Variants in ITIH5 observed in about 807,000 individuals in gnomAD.
ITIH5 encodes the protein inter-alpha-trypsin inhibitor heavy chain 5.
Under a neutral mutation model 77.5 loss-of-function variants are expected in ITIH5, and 65 were observed. The observed-to-expected ratio is 0.84, with a 90% CI of 0.69 to 1.03. ITIH5 has a LOEUF of 1.03. Among genes scored for constraint, ITIH5 ranks in the 50% least tolerant of loss-of-function variants. The probability of loss-of-function intolerance (pLI) is 0.00; values close to 1 mark genes in which losing one functional copy is unlikely to be tolerated. For synonymous variants in ITIH5, 525 were observed against 494.3 expected, an observed-to-expected ratio of 1.06 and a Z score of -0.82; for missense variants, 1,208 against 1,213.1, an observed-to-expected ratio of 1.00 and a Z score of 0.06.
chr10:7,586,236 G>A (rs1832677422), intron 7 of ITIH5, among the ~76,000 whole-genome samples, 167 bp from the exon 8 acceptor site: 1 of 151,976 alleles, frequency 6.6e-6, no homozygotes, highest in African/African-American at 2.4e-5. Flanking sequence ...TACCCAGCTG[G>A]AAAAAATGGT....
At position 7,576,537 on chromosome 10, in the gene ITIH5, C is replaced by T. The variant is rs763438346; in HGVS notation, c.1894G>A (p.Gly632Ser). 8 of 1,613,166 alleles carry T rather than the reference C, an allele frequency of 5.0e-6. No individual in the cohort carries two copies. The highest frequency in any genetic ancestry group is 4.0e-5 in the African/African-American group (3 of 75,054). Residue 632 changes from glycine (G) to serine (S), a missense_variant, in exon 10 of 14, where the codon GGC (glycine) becomes AGC (serine). By Grantham distance (56) the Gly-to-Ser change is moderately conservative. Coordinates refer to ENST00000397146, the MANE Select transcript of ITIH5 (RefSeq NM_030569.7). The stretch of plus-strand genomic sequence containing the variant: ...GACATGCCGTGGGCCTCCTCCAGGC[C>T]ATCCATGCGTGGGACCGGCCCCCTC... ...KLRGPVPRMD[G>S]LEEAHGMSAA...
intron 7 of ITIH5, among the ~76,000 whole-genome samples, chr10:7,587,175 G>A (rs1832696541): frequency 6.6e-6 from 1 of 152,194 alleles, no homozygotes; most frequent in Non-Finnish European, 1.5e-5. Flanking sequence ...AGCAAAGCCA[G>A]GAAGTAATAC....
chr10:7,585,351 C>T (rs1320325712), intron 8 of ITIH5, among the ~76,000 whole-genome samples: 2 of 152,142 alleles, frequency 1.3e-5, no homozygotes, highest in Admixed American at 6.5e-5. Context: ...ACATTCTGCA[C>T]CCTTACCTGG....
At chr10:7,615,881 T>G (rs1588401510) in intron 7 of ITIH5, 101 bp downstream of exon 7, 1 of 746,066 alleles carries the variant, frequency 1.3e-6, no homozygotes. Flanking sequence ...CGCTGGATGG[T>G]AAAGCTGACG....
At chr10:7,637,182 G>C (rs1478095748) in intron 5 of ITIH5, 46 bp downstream of exon 5, 2 of 1,573,754 alleles carry the variant, frequency 1.3e-6, no homozygotes, top group Non-Finnish European at 1.7e-6. Context: ...GGACCAGCTG[G>C]GTGTTTTCAC....
In ITIH5 at chr10:7,562,912, C is replaced by CCA; in HGVS notation, c.*170_*171insTG. On this transcript the variant is annotated 3_prime_UTR_variant, in exon 14 of 14. Transcript: ENST00000397146. ...TGCACTCAGGCTTCCCGCCCCTACCCACCCCTACCCTTCGCCCAGACAGAC... is the reference window on the plus strand; with the variant it reads ...TGCACTCAGGCTTCCCGCCCCTACCCCAACCCCTACCCTTCGCCCAGACAGAC... The CCA allele has an allele frequency of 1.7e-6, 1 of 590,788 alleles. No individual in the cohort carries two copies. The highest frequency in any genetic ancestry group is 3.1e-6 in the Non-Finnish European group (1 of 320,800). The allele number at this position is 590,788 out of a possible 1,614,324, so 36.6% of individuals were successfully genotyped here.
At chr10:7,583,021 T>C (rs1395452693) in intron 8 of ITIH5, among the ~76,000 whole-genome samples, 1 of 152,240 alleles carries the variant, frequency 6.6e-6, no homozygotes, top group Non-Finnish European at 1.5e-5. Flanking sequence ...GGACAAATGC[T>C]TGAGGTGATG....
rs552626046 is a variant in ITIH5 at position 7,603,632 on chromosome 10, G to A, written c.939+12350C>T. The stretch of plus-strand genomic sequence containing the variant: ...GGAGTCTCGCTCTGTCGTCCAGGCT[G>A]GAGTGCAGTGGCGCGATCTTGGCTC... On this transcript the variant is annotated intron_variant, in intron 7 of 13. Transcript: ENST00000397146. Among the ~76,000 whole-genome samples, 12 of 152,312 alleles carry A rather than the reference G, an allele frequency of 7.9e-5. No homozygotes were observed. In the East Asian group the frequency reaches 2.3e-3, roughly 29 times the overall value.
At chr10:7,657,653 A>G (rs1260480647) in intron 1 of ITIH5, among the ~76,000 whole-genome samples, 1 of 152,204 alleles carries the variant, frequency 6.6e-6, no homozygotes, top group Non-Finnish European at 1.5e-5. Flanking sequence ...ACATGAATCA[A>G]CATTCATTTT....
At chr10:7,628,968 G>A (rs76081925) in intron 5 of ITIH5, among the ~76,000 whole-genome samples, 6,905 of 125,558 alleles carry the variant, frequency 0.055, 854 homozygotes, top group Admixed American at 0.18. Flanking sequence ...TGTCCGTGTT[G>A]TAGCATGTGT....
chr10:7,575,199 G>A (rs74610646), intron 10 of ITIH5, among the ~76,000 whole-genome samples: 2,964 of 152,222 alleles, frequency 0.019, 105 homozygotes, highest in African/African-American at 0.065. Context: ...GTGTGCCCAC[G>A]GCATTCCATA....
chr10:7,564,197 A>G (rs1832095630), intron 13 of ITIH5, among the ~76,000 whole-genome samples: 1 of 152,072 alleles, frequency 6.6e-6, no homozygotes. Context: ...TTCCTCATTC[A>G]TTTTTCCAGA....
At chr10:7,589,327 G>T (rs1832746380) in intron 7 of ITIH5, among the ~76,000 whole-genome samples, 1 of 152,096 alleles carries the variant, frequency 6.6e-6, no homozygotes, top group Non-Finnish European at 1.5e-5. Context: ...GGGCATGGTG[G>T]CACGCGCCTG....
intron 8 of ITIH5, 124 bp downstream of exon 8, chr10:7,585,777 G>A: frequency 2.5e-6 from 2 of 800,638 alleles, no homozygotes; most frequent in South Asian, 1.9e-5. Flanking sequence ...CTCGCCTGCA[G>A]TCTCCCTTCC....
intron 6 of ITIH5, 28 bp from the exon 7 acceptor site, chr10:7,616,126 G>T: frequency 7.4e-7 from 1 of 1,352,102 alleles, no homozygotes; most frequent in Non-Finnish European, 1.1e-6. Flanking sequence ...AAGTAAAAAC[G>T]GTAGTACCTA....
intron 4 of ITIH5, among the ~76,000 whole-genome samples, chr10:7,640,129 T>C (rs1284573174): frequency 1.5e-5 from 2 of 129,198 alleles, no homozygotes; most frequent in African/African-American, 3.0e-5. Context: ...TCACAATATT[T>C]AGAGTTAGGG....
chr10:7,664,964 G>C (rs1345256762), intron 1 of ITIH5, among the ~76,000 whole-genome samples: 1 of 152,192 alleles, frequency 6.6e-6, no homozygotes, highest in Non-Finnish European at 1.5e-5. Context: ...GCAGAGCCAA[G>C]ATTTGAACCC....
At chr10:7,663,562 CTAAA>C (rs1391374533) in intron 1 of ITIH5, among the ~76,000 whole-genome samples, 3 of 152,144 alleles carry the variant, frequency 2.0e-5, no homozygotes, top group South Asian at 2.1e-4. Flanking sequence ...CTTTATCTTT[CTAAA>C]TAAATAGTCA....
chr10:7,561,268 G>A lies in ITIH5; in HGVS notation c.*1815C>T, dbSNP rs1832034686. The A allele has an allele frequency of 6.6e-6, 1 of 152,252 alleles. No individual in the cohort carries two copies. The highest frequency in any genetic ancestry group is 2.4e-5 in the African/African-American group (1 of 41,464). 9.4% of individuals were successfully genotyped at this position (152,252 alleles called of 1,614,324 possible). A position where few individuals can be genotyped will look rare whatever the true frequency, so the allele number is the denominator to read the frequency against. On this transcript the variant is annotated 3_prime_UTR_variant, in exon 14 of 14. Transcript: ENST00000397146. Reference sequence around the variant, plus strand: ...TCCTAATAACGTCCTCATTTCTGCAGTGTCGAGACTTACACCTGGAACAAC... The same window carrying A: ...TCCTAATAACGTCCTCATTTCTGCAATGTCGAGACTTACACCTGGAACAAC...
Sources: gnomAD v4.1 joint callset for allele counts (sites outside exome capture counted in the v4.1 genomes callset) on GRCh38, gnomAD v4.1.1 for gene constraint, MANE v1.5 for transcripts, NCBI Gene and HGNC (gene_info 2026-07-23, HGNC 2026-07-21) for gene names.